RAP1B: variants seen among roughly 807,000 people sequenced by gnomAD.
The protein encoded by RAP1B is RAP1B, member of RAS oncogene family.
Under a neutral mutation model 27.5 loss-of-function variants are expected in RAP1B, and 1 was observed. The ratio of observed to expected loss-of-function variants is 0.04; its 90% CI spans 0.01 to 0.17. RAP1B has a LOEUF of 0.17. RAP1B is among the 10% of genes least tolerant of loss of function. The pLI, the probability that RAP1B is intolerant of heterozygous loss-of-function variation, is 1.00. For synonymous variants in RAP1B, 75 were observed against 73.1 expected (o/e 1.03, Z -0.13); for missense variants, 84 against 214.8 (o/e 0.39, Z 3.81).
Position 68,668,387 on chromosome 12 carries a change from C to T in RAP1B, c.*9138C>T, listed in dbSNP as rs1874937598. 1.3e-5 allele frequency: 2 copies of T among 152,142 alleles called. No individual in the cohort carries two copies. Among genetic ancestry groups the T allele is most frequent in the Admixed American group, 1.3e-4 (2 of 15,276 alleles). The allele number at this position is 152,142 out of a possible 1,614,324, so 9.4% of individuals were successfully genotyped here. On this transcript the variant is annotated 3_prime_UTR_variant, in exon 8 of 8. Coordinates refer to ENST00000250559, the MANE Select transcript of RAP1B (RefSeq NM_001010942.3). ...TTTCTTAGCCCAGTTACTACTAAAA[C>T]TCACTCAGAGGAGCAAGTGAAATTT...
chr12:68,651,907 T>C (rs1470043092), intron 3 of RAP1B, 88 bp from the exon 4 acceptor site: 3 of 1,010,970 alleles, frequency 3.0e-6, no homozygotes, highest in Non-Finnish European at 3.0e-6. Flanking sequence ...CTGTGTGTCT[T>C]ATTTTTGATA....
intron 1 of RAP1B, among the ~76,000 whole-genome samples, chr12:68,629,646 G>T (rs1872087419): frequency 6.6e-6 from 1 of 152,104 alleles, no homozygotes; most frequent in Non-Finnish European, 1.5e-5. Flanking sequence ...TTACCTTCTT[G>T]CTGTAGGTTC....
rs1043555299 is a variant in RAP1B at position 68,666,884 on chromosome 12, C to G, written c.*7635C>G. On this transcript the variant is annotated 3_prime_UTR_variant, in exon 8 of 8. Transcript: ENST00000250559. ...CTAGGAAAGCCCCAGAATTAAGCTA[C>G]TCTACAAGGATTCTGAGGGAAGTCT... 2 of 152,170 alleles carry G rather than the reference C, an allele frequency of 1.3e-5. No homozygotes were observed. Among genetic ancestry groups the G allele is most frequent in the African/African-American group, 4.8e-5 (2 of 41,432 alleles). 9.4% of individuals were successfully genotyped at this position (152,170 alleles called of 1,614,324 possible). A position where few individuals can be genotyped will look rare whatever the true frequency, so the allele number is the denominator to read the frequency against.
At chr12:68,635,580 C>A (rs943016417) in intron 1 of RAP1B, among the ~76,000 whole-genome samples, 2 of 151,852 alleles carry the variant, frequency 1.3e-5, no homozygotes, top group Non-Finnish European at 2.9e-5. Context: ...CTTAGCCTCC[C>A]TAATAGCTGG....
At chr12:68,649,012 G>A (rs1017081583) in intron 2 of RAP1B, 1 of 466,674 alleles carries the variant, frequency 2.1e-6, no homozygotes. Flanking sequence ...TACAATTTGA[G>A]CTAAGCACAG....
At chr12:68,644,847 C>T (rs965550373) in intron 1 of RAP1B, among the ~76,000 whole-genome samples, 1 of 151,652 alleles carries the variant, frequency 6.6e-6, no homozygotes, top group African/African-American at 2.4e-5. Flanking sequence ...TGCCACCACA[C>T]CCGGCTAATT....
At chr12:68,638,745 C>T (rs923825750) in intron 1 of RAP1B, among the ~76,000 whole-genome samples, 1 of 152,058 alleles carries the variant, frequency 6.6e-6, no homozygotes, top group Non-Finnish European at 1.5e-5. Flanking sequence ...ACTGCAGCCT[C>T]GGCCTTCCAG....
intron 1 of RAP1B, among the ~76,000 whole-genome samples, chr12:68,626,287 C>G (rs1592430211): frequency 6.6e-6 from 1 of 152,180 alleles, no homozygotes; most frequent in African/African-American, 2.4e-5. Context: ...TTCCTCACTT[C>G]CAATTTCTTA....
intron 1 of RAP1B, among the ~76,000 whole-genome samples, chr12:68,636,084 C>G (rs1042604109): frequency 4.0e-5 from 6 of 151,734 alleles, no homozygotes; most frequent in African/African-American, 1.5e-4. Flanking sequence ...GGGGCTTCAC[C>G]ATATTGGCCA....
intron 1 of RAP1B, chr12:68,624,818 C>T (rs1871632768): frequency 6.6e-6 from 1 of 152,164 alleles, no homozygotes; most frequent in African/African-American, 2.4e-5. Flanking sequence ...CCGTCTCAAA[C>T]AACAACAACA....
chr12:68,637,336 G>A (rs775627742), intron 1 of RAP1B, among the ~76,000 whole-genome samples: 8 of 152,034 alleles, frequency 5.3e-5, no homozygotes, highest in Non-Finnish European at 5.9e-5. Context: ...AGTGGCTCAC[G>A]CCTGTAATCC....
At position 68,617,616 on chromosome 12, in the gene RAP1B, C is replaced by CT. The variant is rs1269983473; in HGVS notation, c.-27+6579dup. Among the ~76,000 whole-genome samples, 6 of 152,272 alleles carry CT rather than the reference C, an allele frequency of 3.9e-5. No individual in the cohort carries two copies. In the East Asian group the frequency reaches 1.2e-3, roughly 29 times the overall value. On this transcript the variant is annotated intron_variant, in intron 1 of 7. Coordinates refer to ENST00000250559, the MANE Select transcript of RAP1B (RefSeq NM_001010942.3). ...ATCCGTAATGCCATCACTACAATGA[C>CT]TTTTTTAAAGCAAAATGTGTACTTT...
rs1871822396 is a variant in RAP1B at position 68,626,857 on chromosome 12, A to G, written c.-27+15814A>G. 3 of 1,572,012 alleles carry G rather than the reference A, an allele frequency of 1.9e-6. No individual in the cohort carries two copies. The African/African-American group carries it at 4.0e-5, about 21-fold the overall frequency. On this transcript the variant is annotated intron_variant, in intron 1 of 7. Transcript: ENST00000250559. ...TTGGTGAGTATTAAGAGGGGGCAGC[A>G]CAGTGGAAGCCCTCATGAGTGCAGG...
chr12:68,649,923 GCCAATATAGTGAA>G, intron 2 of RAP1B: 1 of 152,834 alleles, frequency 6.5e-6, no homozygotes, highest in African/African-American at 2.4e-5. Flanking sequence ...GAGCAGCCTG[GCCAATATAGTGAA>G]ACCCCGTCTC....
At position 68,656,411 on chromosome 12, in the gene RAP1B, T is replaced by G; in HGVS notation, c.430T>G (p.Leu144Val). 1 of 1,611,388 alleles carries G rather than the reference T, an allele frequency of 6.2e-7. No homozygotes were observed. Among genetic ancestry groups the G allele is most frequent in the South Asian group, 1.1e-5 (1 of 91,006 alleles). The change falls in exon 6 of 8, where the codon TTA (leucine) becomes GTA (valine). Residue 144 changes from leucine (L) to valine (V), a missense_variant. By Grantham distance (32) the Leu-to-Val change is conservative. Transcript: ENST00000250559. ...AAGACAATGGAACAACTGTGCATTC[T>G]TAGAATCTTCTGCAAAATCAAAAAT... is the stretch of plus-strand genomic sequence containing the variant. ...LARQWNNCAFLESSAKSKINV... is the reference protein window; with the variant it reads ...LARQWNNCAFVESSAKSKINV...
intron 2 of RAP1B, chr12:68,649,531 A>C (rs997013022): frequency 1.3e-5 from 2 of 152,178 alleles, no homozygotes; most frequent in Non-Finnish European, 2.9e-5. Context: ...GGAAAGAGGA[A>C]AAACGTAGGG....
chr12:68,614,696 T>G (rs1870853448), intron 1 of RAP1B, among the ~76,000 whole-genome samples: 1 of 152,230 alleles, frequency 6.6e-6, no homozygotes, highest in Non-Finnish European at 1.5e-5. Flanking sequence ...TAGAACAAGT[T>G]AAGACATTTT....
intron 1 of RAP1B, among the ~76,000 whole-genome samples, chr12:68,611,886 A>G (rs1203919223): frequency 6.6e-6 from 1 of 152,222 alleles, no homozygotes; most frequent in East Asian, 1.9e-4. Context: ...AACTACGCCC[A>G]GTGAACCGGG....
chr12:68,611,363 CT>C (rs1202061100), intron 1 of RAP1B, among the ~76,000 whole-genome samples: 1 of 142,310 alleles, frequency 7.0e-6, no homozygotes, highest in Non-Finnish European at 1.6e-5. Flanking sequence ...CACCCGCCCG[CT>C]CTCTTCAGCC....
Sources: allele counts gnomAD v4.1 joint callset (sites outside exome capture counted in the v4.1 genomes callset), GRCh38; gene constraint gnomAD v4.1.1; transcripts MANE v1.5; gene names NCBI Gene and HGNC (gene_info 2026-07-23, HGNC 2026-07-21).